SOX5: variants seen among roughly 807,000 people sequenced by gnomAD.
SOX5 encodes transcription factor SOX-5.
Under a neutral mutation model 92.0 loss-of-function variants are expected in SOX5, and 9 were observed. The ratio of observed to expected loss-of-function variants is 0.10; its 90% CI spans 0.06 to 0.17. The LOEUF (loss-of-function observed/expected upper bound fraction) is 0.17. Among genes scored for constraint, SOX5 ranks in the 10% least tolerant of loss-of-function variants. The pLI is 1.00. For missense variants in SOX5, 642 were observed against 944.5 expected, an observed-to-expected ratio of 0.68 and a Z score of 4.20; for synonymous variants, 344 against 336.3, an observed-to-expected ratio of 1.02 and a Z score of -0.25.
At chr12:24,517,258 A>G (rs1189555036) in intron 1 of SOX5, among the ~76,000 whole-genome samples, 1 of 152,230 alleles carries the variant, frequency 6.6e-6, no homozygotes, top group African/African-American at 2.4e-5. Flanking sequence ...AATTCTGAAT[A>G]GCTTGTAAAA....
At chr12:24,005,716 C>T (rs1952081377) in intron 4 of SOX5, among the ~76,000 whole-genome samples, 1 of 152,136 alleles carries the variant, frequency 6.6e-6, no homozygotes, top group Admixed American at 6.6e-5. Context: ...ATACTAGGAA[C>T]TCGATGTAAC....
chr12:24,272,259 TTATAC>T (rs1450920052), intron 3 of SOX5, among the ~76,000 whole-genome samples: 1 of 152,192 alleles, frequency 6.6e-6, no homozygotes, highest in African/African-American at 2.4e-5. Flanking sequence ...AAACTGTACA[TTATAC>T]TATATTATAT....
chr12:24,418,141 C>T (rs747574312), intron 1 of SOX5, among the ~76,000 whole-genome samples: 5 of 151,394 alleles, frequency 3.3e-5, no homozygotes, highest in African/African-American at 4.9e-5. Flanking sequence ...TATTTACTCA[C>T]GTGCTACAGC....
intron 1 of SOX5, among the ~76,000 whole-genome samples, chr12:24,518,271 G>T (rs1566369692): frequency 6.6e-6 from 1 of 151,878 alleles, no homozygotes; most frequent in Non-Finnish European, 1.5e-5. Flanking sequence ...GTTTCACCAT[G>T]TTGGCCAGGC....
chr12:23,783,376 G>A (rs2095319492), intron 3 of SOX5, among the ~76,000 whole-genome samples: 1 of 152,184 alleles, frequency 6.6e-6, no homozygotes, highest in Non-Finnish European at 1.5e-5. Context: ...GTTGAAAGAT[G>A]TACTGATTCT....
At chr12:23,979,640 C>G (rs1425370635) in intron 4 of SOX5, among the ~76,000 whole-genome samples, 1 of 145,042 alleles carries the variant, frequency 6.9e-6, no homozygotes, top group Admixed American at 7.2e-5. Context: ...ATTTTCCCAG[C>G]ATGAGAACCT....
chr12:24,218,318 C>T (rs999834236), intron 3 of SOX5, among the ~76,000 whole-genome samples: 1 of 152,062 alleles, frequency 6.6e-6, no homozygotes, highest in Non-Finnish European at 1.5e-5. Flanking sequence ...GAATACAATA[C>T]ATATTACAGC....
intron 6 of SOX5, among the ~76,000 whole-genome samples, chr12:23,698,064 T>C (rs1293498701): frequency 6.6e-6 from 1 of 152,218 alleles, no homozygotes; most frequent in Non-Finnish European, 1.5e-5. Context: ...TGATTTACAG[T>C]ACAACTGTTA....
intron 3 of SOX5, among the ~76,000 whole-genome samples, chr12:23,823,721 G>T (rs2096172637): frequency 6.6e-6 from 1 of 151,852 alleles, no homozygotes; most frequent in African/African-American, 2.4e-5. Context: ...TTTCAATTAG[G>T]TTCTATTCTC....
At chr12:24,025,018 CTA>C (rs1443598493) in intron 4 of SOX5, among the ~76,000 whole-genome samples, 5 of 151,888 alleles carry the variant, frequency 3.3e-5, no homozygotes, top group African/African-American at 1.2e-4. Flanking sequence ...TACTAAAATC[CTA>C]TCTTTTACTA....
intron 6 of SOX5, among the ~76,000 whole-genome samples, chr12:23,719,009 G>C (rs2092665457): frequency 6.6e-6 from 1 of 152,040 alleles, no homozygotes; most frequent in Admixed American, 6.6e-5. Flanking sequence ...TCTCAGAGTG[G>C]GTAAAGTTAT....
intron 4 of SOX5, among the ~76,000 whole-genome samples, chr12:24,133,982 C>T (rs887932937): frequency 1.3e-5 from 2 of 152,128 alleles, no homozygotes; most frequent in African/African-American, 2.4e-5. Context: ...TACTTTAGGG[C>T]AAATTAGCTT....
intron 4 of SOX5, among the ~76,000 whole-genome samples, chr12:24,144,790 C>T (rs941685516): frequency 2.6e-5 from 4 of 151,906 alleles, no homozygotes; most frequent in Non-Finnish European, 5.9e-5. Context: ...GGTCCTGCCA[C>T]TGCAATCCAG....
At chr12:23,668,428 G>T (rs2084206611) in intron 6 of SOX5, among the ~76,000 whole-genome samples, 1 of 152,094 alleles carries the variant, frequency 6.6e-6, no homozygotes, top group Non-Finnish European at 1.5e-5. Flanking sequence ...CCTATATCTT[G>T]ATGGATTTTC....
At chr12:23,993,900 T>TATGTATGC (rs1555465078) in intron 4 of SOX5, among the ~76,000 whole-genome samples, 34 of 146,700 alleles carry the variant, frequency 2.3e-4, no homozygotes, top group Admixed American at 1.2e-3. Context: ...TGTATGTATG[T>TATGTATGC]ATGTATGTAT....
rs189872375 is a variant in SOX5, at chr12:23,894,056, C to T, written c.270+1737G>A. Among the ~76,000 whole-genome samples the T allele has an allele frequency of 7.2e-5, 11 of 152,126 alleles. No homozygotes were observed. The South Asian group carries it at 1.0e-3, about 14-fold the overall frequency. On this transcript the variant is annotated intron_variant, in intron 2 of 14. Transcript: ENST00000451604. ...TGGTCCTTCCATGAATTAGCTGATC[C>T]GAACAAGTTATTTAACCTCTCTTTG...
chr12:23,946,266 A>T (rs966323661), intron 1 of SOX5, among the ~76,000 whole-genome samples: 1 of 152,022 alleles, frequency 6.6e-6, no homozygotes, highest in African/African-American at 2.4e-5. Flanking sequence ...ACTACTTTCA[A>T]TCCCAACTTT....
intron 4 of SOX5, among the ~76,000 whole-genome samples, chr12:24,031,843 A>G (rs1188806606): frequency 6.6e-6 from 1 of 151,844 alleles, no homozygotes; most frequent in Non-Finnish European, 1.5e-5. Flanking sequence ...CAGGAGTGAC[A>G]TTATAAAGTT....
At chr12:23,716,189 G>A (rs1349572544) in intron 6 of SOX5, among the ~76,000 whole-genome samples, 1 of 152,176 alleles carries the variant, frequency 6.6e-6, no homozygotes, top group Non-Finnish European at 1.5e-5. Flanking sequence ...GGTTTATAAA[G>A]TAGGCTAATA....
Sources: allele counts gnomAD v4.1 joint callset (sites outside exome capture counted in the v4.1 genomes callset), GRCh38; gene constraint gnomAD v4.1.1; transcripts MANE v1.5; gene names NCBI Gene and HGNC (gene_info 2026-07-23, HGNC 2026-07-21).